TMCO5A: variants seen among roughly 807,000 people sequenced by gnomAD.
TMCO5A encodes the protein transmembrane and coiled-coil domain-containing protein 5A.
In TMCO5A, 34 loss-of-function variants were observed where a neutral mutation model predicts 42.3. The ratio of observed to expected loss-of-function variants is 0.80; its 90% confidence interval spans 0.61 to 1.07. TMCO5A has a LOEUF of 1.07. Among genes scored for constraint, TMCO5A ranks in the 50% least tolerant of loss-of-function variants. The pLI, the probability that TMCO5A is intolerant of heterozygous loss-of-function variation, is 0.00. For synonymous variants in TMCO5A, 131 were observed against 115.6 expected, an observed-to-expected ratio of 1.13 and a Z score of -0.86; for missense variants, 357 against 327.9, an observed-to-expected ratio of 1.09 and a Z score of -0.69.
the TMCO5A span, among the ~76,000 whole-genome samples, chr15:38,012,157 T>C: frequency 6.6e-6 from 1 of 151,298 alleles, no homozygotes; most frequent in Non-Finnish European, 1.5e-5. Flanking sequence ...GAATGGCTTC[T>C]TCTATGTGGT....
the TMCO5A span, among the ~76,000 whole-genome samples, chr15:37,977,252 G>A: frequency 6.6e-6 from 1 of 152,096 alleles, no homozygotes. Context: ...AACCATTGTT[G>A]GGGAACTAGT....
the TMCO5A span, among the ~76,000 whole-genome samples, chr15:38,034,979 C>T: frequency 6.0e-4 from 91 of 152,306 alleles, 1 homozygote; most frequent in African/African-American, 2.1e-3. Flanking sequence ...GTCCTTCTTC[C>T]TTGGTTGATT....
At chr15:37,937,471 G>A (rs1889561220) in intron 5 of TMCO5A, 75 bp downstream of exon 5, 3 of 1,527,788 alleles carry the variant, frequency 2.0e-6, no homozygotes, top group Non-Finnish European at 2.7e-6. Flanking sequence ...TTTGGGGGAA[G>A]TGATCATAGA....
chr15:38,033,028 C>T, the TMCO5A span, among the ~76,000 whole-genome samples: 2 of 151,238 alleles, frequency 1.3e-5, no homozygotes, highest in East Asian at 2.0e-4. Context: ...CCCGGGTTCA[C>T]GCCATTCTCC....
At chr15:37,951,678 A>G (rs1890161932), downstream of TMCO5A, 1 of 152,618 alleles carries the variant, frequency 6.6e-6, no homozygotes, top group African/African-American at 2.4e-5. Flanking sequence ...TAAATATAAA[A>G]TAAAAAGTCT....
exon 12 of TMCO5A, chr15:37,966,686 T>C (rs761828705): frequency 6.0e-5 from 42 of 702,766 alleles, no homozygotes; most frequent in South Asian, 3.4e-4. Context: ...TACTACCAGA[T>C]TGGCAACCTT....
intron 11 of TMCO5A, among the ~76,000 whole-genome samples, chr15:37,966,441 T>C (rs1890558275): frequency 6.6e-6 from 1 of 152,212 alleles, no homozygotes; most frequent in African/African-American, 2.4e-5. Context: ...TTTTACATGA[T>C]GTGATGATTA....
chr15:37,956,917 G>A lies in TMCO5A; in HGVS notation c.668+9221G>A, dbSNP rs185811744. 1.9e-3 allele frequency among the ~76,000 whole-genome samples: 290 copies of A among 152,290 alleles called. 3 individuals are homozygous for A. The highest frequency in any genetic ancestry group is 6.7e-3 in the African/African-American group (277 of 41,580). On this transcript the variant is annotated intron_variant, in intron 11 of 11. Coordinates refer to the TMCO5A transcript ENST00000559502. ...ACGATCAAGTTGGCTTCATCCCTGG[G>A]ATGCAAGGCTGGTTCAACGGATGCC...
At chr15:38,013,486 G>A in the TMCO5A span, among the ~76,000 whole-genome samples, 3 of 152,272 alleles carry the variant, frequency 2.0e-5, no homozygotes, top group African/African-American at 7.2e-5. Context: ...GGAGCTGAGA[G>A]ACAGTAATTC....
chr15:38,026,718 T>C, the TMCO5A span, among the ~76,000 whole-genome samples: 1 of 152,164 alleles, frequency 6.6e-6, no homozygotes, highest in East Asian at 1.9e-4. Context: ...CCTGGAGGCC[T>C]GAGAGAAAAT....
At chr15:37,943,600 C>T (rs537817959) in intron 10 of TMCO5A, 2 of 537,552 alleles carry the variant, frequency 3.7e-6, no homozygotes, top group Admixed American at 7.3e-5. Context: ...TCTCATTCAG[C>T]CATACAAATA....
chr15:37,949,966 A>C lies in TMCO5A; in HGVS notation c.669-1070A>C, dbSNP rs994146922. On this transcript the variant is annotated intron_variant, in intron 11 of 11. Transcript: ENST00000319669. Reference sequence around the variant, plus strand: ...AAGGTAACTAACTCACACATCTGGCAAGCTTTTTCTGGTAGTTGACAAAGT... The same window carrying C: ...AAGGTAACTAACTCACACATCTGGCCAGCTTTTTCTGGTAGTTGACAAAGT... Among the ~76,000 whole-genome samples the C allele has an allele frequency of 6.6e-5, 10 of 152,272 alleles. No homozygotes were observed. The East Asian group carries it at 9.7e-4, about 15-fold the overall frequency.
chr15:38,016,108 G>A, the TMCO5A span, among the ~76,000 whole-genome samples: 2 of 152,138 alleles, frequency 1.3e-5, no homozygotes, highest in East Asian at 3.9e-4. Context: ...TGTAACAAAT[G>A]CACCCCTATG....
the TMCO5A span, among the ~76,000 whole-genome samples, chr15:37,981,641 G>T: frequency 7.7e-3 from 1,177 of 152,284 alleles, 20 homozygotes; most frequent in African/African-American, 0.026. Context: ...AACATGGCAG[G>T]ACCCTGTCTC....
chr15:38,008,498 A>G, the TMCO5A span, among the ~76,000 whole-genome samples: 1 of 152,184 alleles, frequency 6.6e-6, no homozygotes, highest in African/African-American at 2.4e-5. Context: ...TTCATAAAGC[A>G]TCTGTCCTTG....
the TMCO5A span, among the ~76,000 whole-genome samples, chr15:38,032,245 G>A: frequency 2.6e-5 from 4 of 152,104 alleles, no homozygotes; most frequent in African/African-American, 7.2e-5. Context: ...ATGAGCCACC[G>A]CTCCCAGCAG....
At chr15:38,023,410 A>G in the TMCO5A span, among the ~76,000 whole-genome samples, 1 of 152,146 alleles carries the variant, frequency 6.6e-6, no homozygotes, top group Admixed American at 6.5e-5. Flanking sequence ...AGACCTCTCA[A>G]TATGTTTTCT....
At chr15:37,988,640 G>A in the TMCO5A span, among the ~76,000 whole-genome samples, 4 of 152,056 alleles carry the variant, frequency 2.6e-5, no homozygotes, top group East Asian at 3.9e-4. Flanking sequence ...TTAATGTGGT[G>A]TATTACATTG....
At chr15:38,013,431 C>T in the TMCO5A span, among the ~76,000 whole-genome samples, 27 of 152,202 alleles carry the variant, frequency 1.8e-4, no homozygotes, top group African/African-American at 4.3e-4. Flanking sequence ...GAAATGCTTA[C>T]GAGATCCATC....
Sources: allele counts gnomAD v4.1 joint callset (sites outside exome capture counted in the v4.1 genomes callset), GRCh38; gene constraint gnomAD v4.1.1; transcripts MANE v1.5; gene names NCBI Gene and HGNC (gene_info 2026-07-23, HGNC 2026-07-21).